The following FSTL5 variants were observed in gnomAD, a reference collection of about 807,000 sequenced individuals.
The protein encoded by FSTL5 is follistatin-related protein 5.
A neutral mutation model predicts 89.1 loss-of-function variants in FSTL5; 62 were observed. That is an observed-to-expected ratio of 0.70 (90% CI 0.57 to 0.86). FSTL5 has a LOEUF of 0.86. Among genes scored for constraint, FSTL5 ranks in the 40% least tolerant of loss-of-function variants. The pLI is 0.00. For synonymous variants in FSTL5, 383 were observed against 346.2 expected, an observed-to-expected ratio of 1.11 and a Z score of -1.18; for missense variants, 1,057 against 1,001.6, an observed-to-expected ratio of 1.06 and a Z score of -0.75.
At chr4:161,977,736 T>C (rs1405447076) in intron 3 of FSTL5, among the ~76,000 whole-genome samples, 1 of 151,244 alleles carries the variant, frequency 6.6e-6, no homozygotes, top group Non-Finnish European at 1.5e-5. Flanking sequence ...CATCATGGGA[T>C]TGGCAACAAG....
intron 7 of FSTL5, among the ~76,000 whole-genome samples, chr4:161,590,055 A>T (rs1043611245): frequency 9.2e-5 from 14 of 152,174 alleles, no homozygotes; most frequent in African/African-American, 2.4e-4. Flanking sequence ...AGTGAATCCC[A>T]ACAGCCACAT....
chr4:161,530,392 G>C (rs10004758), intron 10 of FSTL5, among the ~76,000 whole-genome samples: 4,411 of 141,296 alleles, frequency 0.031, 593 homozygotes, highest in African/African-American at 0.1. Context: ...TACATAAATA[G>C]TATATGTTTA....
chr4:161,592,123 G>A (rs1020675265), intron 7 of FSTL5, among the ~76,000 whole-genome samples: 2 of 152,154 alleles, frequency 1.3e-5, no homozygotes, highest in Admixed American at 6.5e-5. Flanking sequence ...GAGAGTGCAT[G>A]TGCCATAGAA....
rs541162886 is a variant in FSTL5, at chr4:161,567,309, A to G, written c.1015+20146T>C. Among the ~76,000 whole-genome samples the G allele has an allele frequency of 2.0e-5, 3 of 152,234 alleles. No homozygotes were observed. The South Asian group carries it at 6.2e-4, about 32-fold the overall frequency. On this transcript the variant is annotated intron_variant, in intron 8 of 15. Coordinates refer to ENST00000306100, the MANE Select transcript of FSTL5 (RefSeq NM_020116.5). ...TAAAATTTATTTTTAAAACATATGGATTAACAAGTACACATGCAAATTGCA... is the reference window on the plus strand; with the variant it reads ...TAAAATTTATTTTTAAAACATATGGGTTAACAAGTACACATGCAAATTGCA...
chr4:161,949,535 G>A lies in FSTL5; in HGVS notation c.161-28883C>T, dbSNP rs181266940. ...ATTTTACCAGATTTTAAAAATCTTG[G>A]CAATTATGTCTTCAATTTTTTTCTG... On this transcript the variant is annotated intron_variant, in intron 3 of 15. Transcript: ENST00000306100. Among the ~76,000 whole-genome samples the A allele has an allele frequency of 6.8e-4, 104 of 151,886 alleles. 1 individual carries two copies. In the East Asian group the frequency reaches 0.014, roughly 20 times the overall value.
intron 6 of FSTL5, among the ~76,000 whole-genome samples, chr4:161,667,996 A>G (rs537784594): frequency 2.2e-4 from 34 of 152,258 alleles, no homozygotes; most frequent in African/African-American, 7.7e-4. Context: ...AATTAAATCC[A>G]AAGTATGCAG....
intron 6 of FSTL5, among the ~76,000 whole-genome samples, chr4:161,758,658 C>T (rs926658602): frequency 3.3e-5 from 5 of 152,138 alleles, no homozygotes; most frequent in African/African-American, 9.7e-5. Context: ...GCTGGGATTA[C>T]AGGCGCGCAG....
chr4:162,050,283 TACTC>T (rs1288142970), intron 2 of FSTL5, among the ~76,000 whole-genome samples: 1 of 151,276 alleles, frequency 6.6e-6, no homozygotes, highest in Non-Finnish European at 1.5e-5. Context: ...GAAAAAATAA[TACTC>T]ATACAGGAAA....
intron 5 of FSTL5, among the ~76,000 whole-genome samples, chr4:161,764,417 C>T (rs959634855): frequency 6.6e-6 from 1 of 152,022 alleles, no homozygotes; most frequent in Non-Finnish European, 1.5e-5. Context: ...CACCACCACG[C>T]CCAGCTAATT....
At chr4:162,145,752 A>T (rs1732949673) in intron 1 of FSTL5, among the ~76,000 whole-genome samples, 1 of 152,210 alleles carries the variant, frequency 6.6e-6, no homozygotes, top group Non-Finnish European at 1.5e-5. Context: ...ATATGCTCAG[A>T]TAGTTTAGAG....
chr4:161,629,470 G>A (rs970404786), intron 7 of FSTL5, among the ~76,000 whole-genome samples: 2 of 151,866 alleles, frequency 1.3e-5, no homozygotes, highest in African/African-American at 4.8e-5. Flanking sequence ...AGCCTCCCTG[G>A]TAGCTGGGAT....
At chr4:162,160,293 C>A (rs1199888973) in intron 1 of FSTL5, among the ~76,000 whole-genome samples, 1 of 151,764 alleles carries the variant, frequency 6.6e-6, no homozygotes, top group East Asian at 1.9e-4. Context: ...TGATTTAAAA[C>A]ACAGGGGGAC....
Position 162,074,720 on chromosome 4 carries a change from A to G in FSTL5, c.126+36551T>C, listed in dbSNP as rs115370129. Among the ~76,000 whole-genome samples, 1,048 of 151,820 alleles carry G rather than the reference A, an allele frequency of 6.9e-3. 11 individuals are homozygous for G. Among genetic ancestry groups the G allele is most frequent in the African/African-American group, 0.024 (989 of 41,448 alleles). On this transcript the variant is annotated intron_variant, in intron 2 of 15. Transcript: ENST00000306100. ...TATGTATACATTGTGGGATGGTTGA[A>G]TCAAGCTAATTAACATACGCATTAC...
At chr4:162,001,661 A>C (rs1165258891) in intron 3 of FSTL5, among the ~76,000 whole-genome samples, 1 of 147,872 alleles carries the variant, frequency 6.8e-6, no homozygotes, top group Non-Finnish European at 1.5e-5. Flanking sequence ...TGTAACATTC[A>C]ACTAGTGATG....
chr4:161,538,762 CTTA>C (rs1216837847), intron 9 of FSTL5, among the ~76,000 whole-genome samples: 1 of 151,784 alleles, frequency 6.6e-6, no homozygotes, highest in East Asian at 2.0e-4. Flanking sequence ...ATTCATCAAA[CTTA>C]TTATTATTTT....
At chr4:161,497,148 G>A (rs993961224) in intron 12 of FSTL5, among the ~76,000 whole-genome samples, 5 of 151,988 alleles carry the variant, frequency 3.3e-5, no homozygotes, top group East Asian at 3.9e-4. Context: ...TGATCAATGC[G>A]CTTCTCATTC....
chr4:161,426,278 G>A (rs902675169), intron 15 of FSTL5, among the ~76,000 whole-genome samples: 29 of 152,042 alleles, frequency 1.9e-4, no homozygotes, highest in African/African-American at 6.0e-4. Flanking sequence ...CTAACCTCTA[G>A]AATCTCAATA....
chr4:161,879,776 A>G (rs1024763343), intron 4 of FSTL5, among the ~76,000 whole-genome samples: 1 of 152,136 alleles, frequency 6.6e-6, no homozygotes, highest in Non-Finnish European at 1.5e-5. Flanking sequence ...AACTACAAAC[A>G]TTATCTTCCT....
At chr4:161,638,574 G>A (rs1373410014) in intron 7 of FSTL5, among the ~76,000 whole-genome samples, 1 of 150,970 alleles carries the variant, frequency 6.6e-6, no homozygotes. Flanking sequence ...GAGGTACAAG[G>A]AGGAACTGGT....
Sources: gnomAD v4.1 joint callset for allele counts (sites outside exome capture counted in the v4.1 genomes callset) on GRCh38, gnomAD v4.1.1 for gene constraint, MANE v1.5 for transcripts, NCBI Gene and HGNC (gene_info 2026-07-23, HGNC 2026-07-21) for gene names.